The following CAMTA1 variants were observed in gnomAD, a reference collection of about 807,000 sequenced individuals.
The protein encoded by CAMTA1 is calmodulin-binding transcription activator 1.
Under a neutral mutation model 170.9 loss-of-function variants are expected in CAMTA1, and 27 were observed. The observed-to-expected ratio is 0.16, with a 90% CI of 0.12 to 0.22. CAMTA1 has a LOEUF of 0.22. Among genes scored for constraint, CAMTA1 ranks in the 10% least tolerant of loss-of-function variants. The probability of loss-of-function intolerance (pLI) is 1.00; values close to 1 mark genes in which losing one functional copy is unlikely to be tolerated. For synonymous variants in CAMTA1, 833 were observed against 891.5 expected (o/e 0.93, Z 1.17); for missense variants, 1,619 against 2,217.2 (o/e 0.73, Z 5.42).
chr1:7,347,495 A>G (rs1037928113), intron 5 of CAMTA1, among the ~76,000 whole-genome samples: 2 of 152,182 alleles, frequency 1.3e-5, no homozygotes, highest in African/African-American at 4.8e-5. Context: ...ATTTTTGAAG[A>G]CGTTCTCCTC....
intron 3 of CAMTA1, among the ~76,000 whole-genome samples, chr1:7,018,205 C>T (rs1055417920): frequency 4.2e-5 from 6 of 144,244 alleles, no homozygotes; most frequent in Non-Finnish European, 9.0e-5. Flanking sequence ...ATGGATGGAG[C>T]GGGGGCTTAG....
intron 5 of CAMTA1, among the ~76,000 whole-genome samples, chr1:7,352,220 C>T (rs149524017): frequency 1.1e-3 from 167 of 150,900 alleles, no homozygotes; most frequent in African/African-American, 4.0e-3. Context: ...GAGAGAGAAA[C>T]GGCTCCTGGG....
chr1:7,724,312 A>C (rs1023838672), intron 11 of CAMTA1, among the ~76,000 whole-genome samples: 5 of 152,390 alleles, frequency 3.3e-5, no homozygotes, highest in African/African-American at 1.2e-4. Context: ...TAATATACCA[A>C]TACTAGTTTC....
intron 3 of CAMTA1, among the ~76,000 whole-genome samples, chr1:7,083,696 C>G (rs1640337664): frequency 6.6e-6 from 1 of 152,164 alleles, no homozygotes; most frequent in Non-Finnish European, 1.5e-5. Context: ...TATTTTTTGT[C>G]AAGTGCAGCG....
rs568697533 is a variant in CAMTA1, at chr1:7,655,665, GCA to G, written c.665-6053_665-6052del. On this transcript the variant is annotated intron_variant, in intron 7 of 22. Transcript: ENST00000303635. ...ACACACTACACACCCACACACCTATGCACACACACTGATACACACCTATACAC... is the reference window on the plus strand; with the variant it reads ...ACACACTACACACCCACACACCTATGCACACACTGATACACACCTATACAC... Among the ~76,000 whole-genome samples the G allele has an allele frequency of 2.8e-4, 40 of 144,342 alleles. No homozygotes were observed. The East Asian group carries it at 4.9e-3, about 18-fold the overall frequency. 94.7% of individuals were successfully genotyped at this position (144,342 alleles called of 152,430 possible).
intron 4 of CAMTA1, among the ~76,000 whole-genome samples, chr1:7,132,840 T>C (rs1255395550): frequency 6.6e-6 from 1 of 152,224 alleles, no homozygotes; most frequent in Non-Finnish European, 1.5e-5. Context: ...TTTTGTTGAA[T>C]AGTTCTTCTG....
intron 1 of CAMTA1, among the ~76,000 whole-genome samples, chr1:6,801,124 T>G (rs1643754029): frequency 6.6e-6 from 1 of 152,212 alleles, no homozygotes; most frequent in Admixed American, 6.5e-5. Context: ...CAGAAATTGA[T>G]CATAGATAAC....
intron 6 of CAMTA1, among the ~76,000 whole-genome samples, chr1:7,605,064 G>T (rs549208601): frequency 1.7e-4 from 26 of 152,076 alleles, no homozygotes; most frequent in Non-Finnish European, 3.2e-4. Flanking sequence ...GGAGTACCCG[G>T]CCGGCTGTGT....
chr1:7,650,029 C>G (rs976053290), intron 7 of CAMTA1, among the ~76,000 whole-genome samples: 1 of 152,210 alleles, frequency 6.6e-6, no homozygotes, highest in East Asian at 1.9e-4. Context: ...GCGGCGCTAC[C>G]TCCCCACACA....
intron 3 of CAMTA1, among the ~76,000 whole-genome samples, chr1:6,908,368 A>T (rs570854609): frequency 6.6e-6 from 1 of 152,308 alleles, no homozygotes; most frequent in African/African-American, 2.4e-5. Flanking sequence ...TCTGCTCTCA[A>T]GTTTATCTCC....
chr1:7,291,744 C>A (rs1176258454), intron 5 of CAMTA1, among the ~76,000 whole-genome samples: 1 of 152,252 alleles, frequency 6.6e-6, no homozygotes, highest in Non-Finnish European at 1.5e-5. Context: ...GGCAGCCAGC[C>A]TGGCTCCACT....
rs114547793 is a variant in CAMTA1, at chr1:7,580,543, C to T, written c.511-59857C>T. 4.4e-3 allele frequency among the ~76,000 whole-genome samples: 676 copies of T among 152,206 alleles called. 7 individuals are homozygous for T. The highest frequency in any genetic ancestry group is 0.016 in the African/African-American group (652 of 41,520). On this transcript the variant is annotated intron_variant, in intron 6 of 22. Transcript: ENST00000303635. This position sits in a 1 kb window ranked among gnomAD's most constrained non-coding sequence, Gnocchi z 4.3. ...CTCTTCCCATGAGCCAGGTGGCAGA[C>T]AGGACACCCGCACATGGAGGAACCA...
At chr1:6,857,436 A>T (rs1662857056) in intron 3 of CAMTA1, among the ~76,000 whole-genome samples, 1 of 152,236 alleles carries the variant, frequency 6.6e-6, no homozygotes, top group South Asian at 2.1e-4. Context: ...GGATTTGCAG[A>T]TGAAGAAGGC....
chr1:7,596,930 GC>G (rs1033785295), intron 6 of CAMTA1, among the ~76,000 whole-genome samples: 1 of 148,720 alleles, frequency 6.7e-6, no homozygotes, highest in African/African-American at 2.5e-5. Context: ...CAGAACTGAT[GC>G]CCTTGAGACA....
chr1:7,360,869 G>A (rs1211795252), intron 5 of CAMTA1, among the ~76,000 whole-genome samples: 2 of 152,254 alleles, frequency 1.3e-5, no homozygotes, highest in Non-Finnish European at 2.9e-5. Context: ...GGGACACACA[G>A]CAGCTGGGAT....
chr1:6,892,158 A>G (rs529062921), intron 3 of CAMTA1, among the ~76,000 whole-genome samples: 27 of 152,304 alleles, frequency 1.8e-4, no homozygotes, highest in African/African-American at 6.5e-4. Context: ...CTAGTAGACA[A>G]TTTTCACATT....
At chr1:7,644,115 T>TCC (rs1239342892) in intron 7 of CAMTA1, among the ~76,000 whole-genome samples, 2 of 152,176 alleles carry the variant, frequency 1.3e-5, no homozygotes, top group Non-Finnish European at 2.9e-5. Context: ...AATGTCGTGC[T>TCC]CCCCAGGGCT....
intron 4 of CAMTA1, among the ~76,000 whole-genome samples, chr1:7,117,969 G>A (rs958827517): frequency 2.0e-5 from 3 of 152,062 alleles, no homozygotes; most frequent in African/African-American, 7.2e-5. Flanking sequence ...GCCCTTTCGG[G>A]ACCCACTAGG....
At chr1:7,189,257 A>C (rs955790491) in intron 4 of CAMTA1, among the ~76,000 whole-genome samples, 1 of 152,238 alleles carries the variant, frequency 6.6e-6, no homozygotes, top group Admixed American at 6.5e-5. Flanking sequence ...TGTATGCCAC[A>C]CAGAGATTGG....
Sources: allele counts gnomAD v4.1 joint callset (sites outside exome capture counted in the v4.1 genomes callset), GRCh38; gene constraint gnomAD v4.1.1; non-coding constraint Gnocchi (gnomAD v3.1); transcripts MANE v1.5; gene names NCBI Gene and HGNC (gene_info 2026-07-23, HGNC 2026-07-21).